The following TSHZ2 variants were observed in gnomAD, a reference collection of about 807,000 sequenced individuals.
The protein encoded by TSHZ2 is teashirt homolog 2.
Under a neutral mutation model 74.4 loss-of-function variants are expected in TSHZ2, and 21 were observed. That is an observed-to-expected ratio of 0.28 (90% CI 0.20 to 0.41). The LOEUF (loss-of-function observed/expected upper bound fraction) is 0.41. Ranked by LOEUF, TSHZ2 falls within the 10% of genes least tolerant of loss-of-function variation. The pLI, the probability that TSHZ2 is intolerant of heterozygous loss-of-function variation, is 1.00. For synonymous variants in TSHZ2, 540 were observed against 515.3 expected (o/e 1.05, Z -0.65); for missense variants, 1,244 against 1,293.5 (o/e 0.96, Z 0.59).
intron 1 of TSHZ2, among the ~76,000 whole-genome samples, chr20:53,000,168 T>C (rs926375207): frequency 8.5e-5 from 13 of 152,232 alleles, no homozygotes; most frequent in African/African-American, 2.9e-4. Context: ...ACCTGTGAGC[T>C]AAACGCCACC....
chr20:53,326,114 C>A (rs1327638669), intron 2 of TSHZ2, among the ~76,000 whole-genome samples: 12 of 152,302 alleles, frequency 7.9e-5, no homozygotes, highest in African/African-American at 2.6e-4. Flanking sequence ...GTGTCTTACA[C>A]CTGCACCACC....
chr20:53,038,102 G>T (rs954222176), intron 1 of TSHZ2, among the ~76,000 whole-genome samples: 1 of 144,396 alleles, frequency 6.9e-6, no homozygotes, highest in African/African-American at 2.6e-5. Flanking sequence ...CCCAACAAGA[G>T]AATCGCTTGA....
chr20:53,382,804 G>C (rs1182650241), intron 2 of TSHZ2, among the ~76,000 whole-genome samples: 1 of 152,226 alleles, frequency 6.6e-6, no homozygotes, highest in Non-Finnish European at 1.5e-5. Flanking sequence ...ACAACCTGGT[G>C]TGTGGGGAAG....
At chr20:53,081,931 T>A (rs112702202) in intron 1 of TSHZ2, among the ~76,000 whole-genome samples, 1,543 of 151,404 alleles carry the variant, frequency 0.01, 23 homozygotes, top group South Asian at 0.026. Flanking sequence ...AGTCTTACTC[T>A]GTCGCCCAGG....
intron 1 of TSHZ2, among the ~76,000 whole-genome samples, chr20:53,183,690 G>C (rs1273776453): frequency 6.6e-6 from 1 of 152,194 alleles, no homozygotes; most frequent in Non-Finnish European, 1.5e-5. Flanking sequence ...ACATTCAGCT[G>C]ATCAGTGACT....
At chr20:53,223,088 T>C (rs917120504) in intron 1 of TSHZ2, among the ~76,000 whole-genome samples, 2 of 152,162 alleles carry the variant, frequency 1.3e-5, no homozygotes, top group African/African-American at 4.8e-5. Flanking sequence ...CTTGGGTGTC[T>C]AATATGTCTA....
chr20:53,113,447 G>C (rs147407254), intron 1 of TSHZ2, among the ~76,000 whole-genome samples: 1 of 152,080 alleles, frequency 6.6e-6, no homozygotes, highest in Non-Finnish European at 1.5e-5. Flanking sequence ...GCTGTTTAGC[G>C]TATAAAATGT....
At chr20:53,470,656 A>T (rs1985770600) in intron 2 of TSHZ2, among the ~76,000 whole-genome samples, 2 of 152,252 alleles carry the variant, frequency 1.3e-5, no homozygotes, top group South Asian at 2.1e-4. Context: ...CCTCCTAAAA[A>T]TACAAAAATT....
intron 1 of TSHZ2, among the ~76,000 whole-genome samples, chr20:53,071,214 C>CA (rs1409983059): frequency 1.1e-4 from 16 of 152,212 alleles, no homozygotes; most frequent in Non-Finnish European, 2.4e-4. Flanking sequence ...TGCTCACTGT[C>CA]AGCTTTCTCC....
intron 1 of TSHZ2, among the ~76,000 whole-genome samples, chr20:53,180,665 A>G (rs1988445431): frequency 6.6e-6 from 1 of 152,204 alleles, no homozygotes; most frequent in South Asian, 2.1e-4. Flanking sequence ...TTTGATTAGG[A>G]GCACACCATT....
intron 1 of TSHZ2, among the ~76,000 whole-genome samples, chr20:53,231,439 T>C (rs1387439599): frequency 2.0e-5 from 3 of 152,220 alleles, no homozygotes; most frequent in Admixed American, 2.0e-4. Flanking sequence ...CATTAGTTCA[T>C]TGATGTGGCC....
At chr20:53,485,829 G>A (rs1448160075) in intron 2 of TSHZ2, among the ~76,000 whole-genome samples, 1 of 152,056 alleles carries the variant, frequency 6.6e-6, no homozygotes, top group East Asian at 1.9e-4. Context: ...TTTCCAAAAA[G>A]CTTTATAGTG....
chr20:53,224,898 G>A (rs1230326064), intron 1 of TSHZ2, among the ~76,000 whole-genome samples: 1 of 151,874 alleles, frequency 6.6e-6, no homozygotes, highest in African/African-American at 2.4e-5. Flanking sequence ...GTTATCATTG[G>A]GTTATGTGTA....
chr20:53,085,795 T>A (rs1440770821), intron 1 of TSHZ2, among the ~76,000 whole-genome samples: 3 of 152,182 alleles, frequency 2.0e-5, no homozygotes, highest in Non-Finnish European at 4.4e-5. Flanking sequence ...AGCTGCAAAG[T>A]CATGCCCATT....
chr20:53,407,139 C>A (rs1982883962), intron 2 of TSHZ2, among the ~76,000 whole-genome samples: 1 of 152,198 alleles, frequency 6.6e-6, no homozygotes, highest in African/African-American at 2.4e-5. Flanking sequence ...GATTTCTTTT[C>A]TCTTCCCCGC....
chr20:53,335,178 T>C (rs1657922655), intron 2 of TSHZ2, among the ~76,000 whole-genome samples: 1 of 152,152 alleles, frequency 6.6e-6, no homozygotes, highest in African/African-American at 2.4e-5. Flanking sequence ...AAGCAAACTT[T>C]TTGGCCTCAC....
At position 53,255,722 on chromosome 20, in the gene TSHZ2, G is replaced by T. The variant is rs149482370; in HGVS notation, c.2264G>T (p.Arg755Leu). 1.2e-6 allele frequency: 2 copies of T among 1,611,540 alleles called. No individual in the cohort carries two copies. The highest frequency in any genetic ancestry group is 1.7e-5 in the Admixed American group (1 of 59,628). Residue 755 changes from arginine (R) to leucine (L), a missense_variant, in exon 2 of 3, where the codon CGC becomes CTC. Coordinates refer to ENST00000371497, the MANE Select transcript of TSHZ2 (RefSeq NM_173485.6). This position sits in a 1 kb window ranked among gnomAD's most constrained non-coding sequence, Gnocchi z 4.1. ...ACAAGGTCAGCCAGCGTGTCCAGGCGCTACCTGTTTGAGAACAGCGATCAG... is the reference window on the plus strand; with the variant it reads ...ACAAGGTCAGCCAGCGTGTCCAGGCTCTACCTGTTTGAGAACAGCGATCAG... ...ASTRSASVSR[R>L]YLFENSDQPI...
At chr20:53,198,765 C>T (rs140327628) in intron 1 of TSHZ2, among the ~76,000 whole-genome samples, 89 of 152,222 alleles carry the variant, frequency 5.8e-4, no homozygotes, top group African/African-American at 2.0e-3. Flanking sequence ...TGGCTTATTC[C>T]GACTTGGGAT....
chr20:53,143,695 A>T (rs913015662), intron 1 of TSHZ2, among the ~76,000 whole-genome samples: 4 of 151,982 alleles, frequency 2.6e-5, no homozygotes, highest in East Asian at 1.9e-4. Context: ...CCGTCTCAAA[A>T]AAATAAATAA....
Sources: gnomAD v4.1 joint callset for allele counts (sites outside exome capture counted in the v4.1 genomes callset) on GRCh38, gnomAD v4.1.1 for gene constraint, Gnocchi (gnomAD v3.1) non-coding constraint, MANE v1.5 for transcripts, NCBI Gene and HGNC (gene_info 2026-07-23, HGNC 2026-07-21) for gene names.